The following KIAA0825 variants were observed in gnomAD, a reference collection of about 807,000 sequenced individuals.
KIAA0825 encodes the protein KIAA0825.
In KIAA0825, 119 loss-of-function variants were observed where a neutral mutation model predicts 147.6. The ratio of observed to expected loss-of-function variants is 0.81; its 90% CI spans 0.69 to 0.94. KIAA0825 has a LOEUF of 0.94. KIAA0825 is among the 40% of genes least tolerant of loss of function. KIAA0825 has a pLI of 0.00. For missense variants in KIAA0825, 1,381 were observed against 1,472.7 expected (o/e 0.94, Z 1.02); for synonymous variants, 470 against 518.1 (o/e 0.91, Z 1.26).
At chr5:94,237,974 T>A (rs1229404604) in intron 20 of KIAA0825, among the ~76,000 whole-genome samples, 1 of 152,184 alleles carries the variant, frequency 6.6e-6, no homozygotes, top group Non-Finnish European at 1.5e-5. Context: ...CTGAAACTCA[T>A]GAAAAGTTTG....
Position 94,579,265 on chromosome 5 carries a change from T to C in KIAA0825, c.-2+3168A>G, listed in dbSNP as rs557783949. On this transcript the variant is annotated intron_variant, in intron 2 of 20. Transcript: ENST00000682413. ...TCCCAGCTCCATTACTTACTAGTTA[T>C]ATAACCTTCTCCTTATATACCTCTA... Among the ~76,000 whole-genome samples, 59 of 152,318 alleles carry C rather than the reference T, an allele frequency of 3.9e-4. 1 individual carries two copies. In the South Asian group the frequency reaches 7.9e-3, roughly 20 times the overall value.
In KIAA0825 at chr5:94,209,576, C is replaced by T. The variant is rs547116294; in HGVS notation, c.3711-55452G>A. Among the ~76,000 whole-genome samples, 34 of 152,244 alleles carry T rather than the reference C, an allele frequency of 2.2e-4. 1 individual carries two copies. The South Asian group carries it at 5.8e-3, about 26-fold the overall frequency. Reference sequence around the variant, plus strand: ...GCTCATGCTTGCATAACTTTTTATGCTGCTTTTACTAATTAACATGTGTAA... The same window carrying T: ...GCTCATGCTTGCATAACTTTTTATGTTGCTTTTACTAATTAACATGTGTAA... On this transcript the variant is annotated intron_variant, in intron 20 of 20. Coordinates refer to ENST00000682413, the MANE Select transcript of KIAA0825 (RefSeq NM_001145678.3).
At chr5:94,411,300 A>T (rs918818096) in intron 15 of KIAA0825, among the ~76,000 whole-genome samples, 1 of 152,154 alleles carries the variant, frequency 6.6e-6, no homozygotes, top group Admixed American at 6.5e-5. Flanking sequence ...TGAAGATTAG[A>T]TAGAACAACA....
chr5:94,340,009 A>C (rs998005599), intron 20 of KIAA0825, among the ~76,000 whole-genome samples: 1 of 152,184 alleles, frequency 6.6e-6, no homozygotes, highest in African/African-American at 2.4e-5. Context: ...AGTGTCTAGA[A>C]GTTTTCCCAT....
At chr5:94,228,447 A>C (rs1182146423) in intron 20 of KIAA0825, among the ~76,000 whole-genome samples, 2 of 152,108 alleles carry the variant, frequency 1.3e-5, no homozygotes, top group African/African-American at 4.8e-5. Flanking sequence ...AGGGGAAGAC[A>C]CCTCAGTATT....
At chr5:94,503,074 AT>A (rs200126740) in intron 5 of KIAA0825, among the ~76,000 whole-genome samples, 2,225 of 144,770 alleles carry the variant, frequency 0.015, 40 homozygotes, top group African/African-American at 0.054. Context: ...TCAAAAAAAA[AT>A]ATATATATAT....
intron 20 of KIAA0825, among the ~76,000 whole-genome samples, chr5:94,221,955 G>A (rs949911055): frequency 2.6e-5 from 4 of 152,030 alleles, no homozygotes; most frequent in African/African-American, 4.8e-5. Flanking sequence ...GCCTTTGCCC[G>A]TCTAGTTCCA....
At chr5:94,499,577 T>C (rs1162693551) in intron 5 of KIAA0825, among the ~76,000 whole-genome samples, 2 of 74,946 alleles carry the variant, frequency 2.7e-5, no homozygotes, top group African/African-American at 5.5e-5. Flanking sequence ...ATATTTTATT[T>C]CCCAATCTGG....
At chr5:94,529,973 A>T (rs1770438987) in intron 3 of KIAA0825, among the ~76,000 whole-genome samples, 1 of 152,084 alleles carries the variant, frequency 6.6e-6, no homozygotes, top group Admixed American at 6.6e-5. Context: ...AGCCTTTTTT[A>T]AAAAATGGAC....
chr5:94,462,699 A>T, intron 11 of KIAA0825, 130 bp from the exon 12 acceptor site: 1 of 487,070 alleles, frequency 2.1e-6, no homozygotes, highest in African/African-American at 2.0e-5. Context: ...CCAGAACTTC[A>T]GAGATCTAAA....
At chr5:94,299,322 T>A (rs1778276281) in intron 20 of KIAA0825, among the ~76,000 whole-genome samples, 1 of 151,540 alleles carries the variant, frequency 6.6e-6, no homozygotes. Flanking sequence ...GCTCAAGCAA[T>A]CCTTCCATCT....
At position 94,471,733 on chromosome 5, in the gene KIAA0825, T is replaced by C; in HGVS notation, c.1456-2A>G. 6 of 1,552,000 alleles carry C rather than the reference T, an allele frequency of 3.9e-6. No individual in the cohort carries two copies. The highest frequency in any genetic ancestry group is 4.4e-6 in the Non-Finnish European group (5 of 1,146,944). On this transcript the variant is annotated splice_acceptor_variant, in intron 8 of 20. Transcript: ENST00000682413. LOFTEE classifies it high-confidence loss of function. Reference sequence around the variant, plus strand: ...TTTTTCCATGATGTCAGAACAAAACTAGGGAGAAATAAATGTGGCACTGAG... The same window carrying C: ...TTTTTCCATGATGTCAGAACAAAACCAGGGAGAAATAAATGTGGCACTGAG...
At chr5:94,461,305 G>A (rs1235987444) in intron 12 of KIAA0825, among the ~76,000 whole-genome samples, 1 of 151,834 alleles carries the variant, frequency 6.6e-6, no homozygotes, top group African/African-American at 2.4e-5. Context: ...GATTTTCACA[G>A]GGCCTTCCTC....
At chr5:94,357,475 T>C (rs903098584) in intron 20 of KIAA0825, among the ~76,000 whole-genome samples, 1 of 152,218 alleles carries the variant, frequency 6.6e-6, no homozygotes, top group Non-Finnish European at 1.5e-5. Context: ...ATAAACAACA[T>C]TTTATAGAAG....
intron 20 of KIAA0825, among the ~76,000 whole-genome samples, chr5:94,202,735 C>T (rs1050154787): frequency 6.6e-6 from 1 of 152,182 alleles, no homozygotes; most frequent in African/African-American, 2.4e-5. Flanking sequence ...TATTATTTCA[C>T]CTGAAGCTCT....
At chr5:94,329,477 C>A (rs182991881) in intron 20 of KIAA0825, among the ~76,000 whole-genome samples, 9 of 152,156 alleles carry the variant, frequency 5.9e-5, no homozygotes, top group Non-Finnish European at 1.0e-4. Context: ...AGAAATAATT[C>A]TTTGGCCTTT....
intron 20 of KIAA0825, among the ~76,000 whole-genome samples, chr5:94,294,295 C>T (rs941181642): frequency 6.6e-6 from 1 of 152,182 alleles, no homozygotes; most frequent in Non-Finnish European, 1.5e-5. Flanking sequence ...TTTAGTGCTT[C>T]TTTCAGGAGC....
chr5:94,517,174 A>G (rs1303576940), intron 5 of KIAA0825, among the ~76,000 whole-genome samples: 2 of 152,216 alleles, frequency 1.3e-5, no homozygotes, highest in Non-Finnish European at 2.9e-5. Context: ...ACAGCTTTTG[A>G]CACAGAGTTT....
At chr5:94,598,802 G>A (rs1225714035) in intron 1 of KIAA0825, among the ~76,000 whole-genome samples, 2 of 152,032 alleles carry the variant, frequency 1.3e-5, no homozygotes, top group South Asian at 2.1e-4. Flanking sequence ...CATATTTGTG[G>A]TCTTTAGTTG....
Sources: allele counts gnomAD v4.1 joint callset (sites outside exome capture counted in the v4.1 genomes callset), GRCh38; gene constraint gnomAD v4.1.1; transcripts MANE v1.5; gene names NCBI Gene and HGNC (gene_info 2026-07-23, HGNC 2026-07-21).